GRK5: variants seen among roughly 807,000 people sequenced by gnomAD.
GRK5 encodes the protein G protein-coupled receptor kinase 5.
Under a neutral mutation model 78.4 loss-of-function variants are expected in GRK5, and 40 were observed. The observed-to-expected ratio is 0.51, with a 90% CI of 0.40 to 0.66. The LOEUF is 0.66. GRK5 is among the 30% of genes least tolerant of loss of function. The pLI is 0.00. For missense variants in GRK5, 598 were observed against 759.9 expected, an observed-to-expected ratio of 0.79 and a Z score of 2.50; for synonymous variants, 289 against 296.8, an observed-to-expected ratio of 0.97 and a Z score of 0.27.
rs562139543 is a variant in GRK5 at position 119,258,048 on chromosome 10, G to A, written c.52+50079G>A. Among the ~76,000 whole-genome samples the A allele has an allele frequency of 2.2e-4, 33 of 152,272 alleles. No homozygotes were observed. The South Asian group carries it at 5.0e-3, about 23-fold the overall frequency. On this transcript the variant is annotated intron_variant, in intron 1 of 15. Coordinates refer to ENST00000392870, the MANE Select transcript of GRK5 (RefSeq NM_005308.3). ...ACACCACGTAGTTAGTACACATGGT[G>A]TCATGTAACTACCACCACAATCAGG... is the stretch of plus-strand genomic sequence containing the variant.
rs553806812 is a variant in GRK5 at position 119,434,034 on chromosome 10, G to A, written c.738+2507G>A. Among the ~76,000 whole-genome samples the A allele has an allele frequency of 4.5e-4, 68 of 152,318 alleles. 1 individual carries two copies. Among genetic ancestry groups the A allele is most frequent in the African/African-American group, 1.5e-3 (64 of 41,572 alleles). ...GTGGCAAGAGAAGAATGAGAACCAA[G>A]TGAAAGGGGTTTCCCCTTATAAAAC... On this transcript the variant is annotated intron_variant, in intron 8 of 15. Coordinates refer to ENST00000392870, the MANE Select transcript of GRK5 (RefSeq NM_005308.3).
At chr10:119,376,899 C>G (rs1851630224) in intron 2 of GRK5, among the ~76,000 whole-genome samples, 1 of 152,188 alleles carries the variant, frequency 6.6e-6, no homozygotes, top group Admixed American at 6.5e-5. Context: ...AAAGCAGCCT[C>G]TTTCTGGCTT....
chr10:119,256,099 G>T (rs1305437005), intron 1 of GRK5, among the ~76,000 whole-genome samples: 1 of 152,052 alleles, frequency 6.6e-6, no homozygotes, highest in Non-Finnish European at 1.5e-5. Flanking sequence ...ACCGAGACTT[G>T]GTATTGACAG....
chr10:119,386,767 C>T (rs1224767579), intron 3 of GRK5, among the ~76,000 whole-genome samples: 2 of 152,156 alleles, frequency 1.3e-5, no homozygotes, highest in South Asian at 2.1e-4. Context: ...CCAGGGCTGG[C>T]GTAACTTCTC....
intron 1 of GRK5, among the ~76,000 whole-genome samples, chr10:119,322,853 C>A (rs1850609690): frequency 6.6e-6 from 1 of 152,168 alleles, no homozygotes; most frequent in South Asian, 2.1e-4. Flanking sequence ...TACTTGTTTG[C>A]AAATATCCAT....
intron 2 of GRK5, among the ~76,000 whole-genome samples, chr10:119,367,822 A>G (rs1851474825): frequency 1.3e-5 from 2 of 152,120 alleles, no homozygotes; most frequent in Non-Finnish European, 2.9e-5. Flanking sequence ...GGGTCTTGGG[A>G]CCCTGAGACA....
chr10:119,273,085 A>G (rs1849611185), intron 1 of GRK5, among the ~76,000 whole-genome samples: 1 of 152,220 alleles, frequency 6.6e-6, no homozygotes, highest in African/African-American at 2.4e-5. Context: ...GTCGTATTCC[A>G]TGCCTCGGAA....
At chr10:119,419,096 C>T in intron 4 of GRK5, among the ~76,000 whole-genome samples, 2 of 152,174 alleles carry the variant, frequency 1.3e-5, no homozygotes, top group East Asian at 3.9e-4. Flanking sequence ...CAGAACCCAC[C>T]CGGCCTGTAG....
At chr10:119,427,552 C>T (rs1281945594) in intron 6 of GRK5, among the ~76,000 whole-genome samples, 1 of 152,096 alleles carries the variant, frequency 6.6e-6, no homozygotes, top group South Asian at 2.1e-4. Flanking sequence ...CCACCATCCT[C>T]AGTATCACCG....
chr10:119,226,259 T>C (rs1848737576), intron 1 of GRK5, among the ~76,000 whole-genome samples: 1 of 151,674 alleles, frequency 6.6e-6, no homozygotes, highest in Middle Eastern at 3.2e-3. Flanking sequence ...ATTACAGGTG[T>C]GAGCCACTGT....
intron 2 of GRK5, among the ~76,000 whole-genome samples, chr10:119,374,703 A>G (rs1430000030): frequency 2.6e-5 from 4 of 152,190 alleles, no homozygotes; most frequent in African/African-American, 9.7e-5. Context: ...GTCCCTGCCT[A>G]AGTCTCATGT....
chr10:119,304,284 C>CTTT (rs59740732), intron 1 of GRK5, among the ~76,000 whole-genome samples: 2,484 of 75,070 alleles, frequency 0.033, 97 homozygotes, highest in African/African-American at 0.037. Context: ...GTGTGAGCTG[C>CTTT]TTTTTTTTTT....
At chr10:119,262,429 C>T (rs1382664712) in intron 1 of GRK5, among the ~76,000 whole-genome samples, 2 of 147,686 alleles carry the variant, frequency 1.4e-5, no homozygotes, top group East Asian at 4.0e-4. Flanking sequence ...ACCTCCGCCT[C>T]CCAGATTCAA....
At chr10:119,406,162 C>T (rs1030735862) in intron 4 of GRK5, among the ~76,000 whole-genome samples, 1 of 152,180 alleles carries the variant, frequency 6.6e-6, no homozygotes, top group Non-Finnish European at 1.5e-5. Context: ...ACTTTTTCAC[C>T]GAGTGATTCA....
At chr10:119,300,209 C>A (rs946211669) in intron 1 of GRK5, among the ~76,000 whole-genome samples, 3 of 152,058 alleles carry the variant, frequency 2.0e-5, no homozygotes, top group African/African-American at 2.4e-5. Context: ...TATGAGTTGG[C>A]AAATATGTTT....
chr10:119,216,885 T>TG (rs1323662723), intron 1 of GRK5, among the ~76,000 whole-genome samples: 1 of 151,782 alleles, frequency 6.6e-6, no homozygotes, highest in African/African-American at 2.4e-5. Flanking sequence ...AACCTGGGAG[T>TG]GCCACTGCAC....
rs1340983094 is a variant in GRK5, at chr10:119,394,615, G to C, written c.262-2080G>C. Among the ~76,000 whole-genome samples the C allele has an allele frequency of 4.7e-3, 14 of 2,980 alleles. 4 individuals are homozygous for C. Among genetic ancestry groups the C allele is most frequent in the Non-Finnish European group, 0.013 (13 of 990 alleles). 2.0% of individuals were successfully genotyped at this position (2,980 alleles called of 152,430 possible). On this transcript the variant is annotated intron_variant, in intron 3 of 15. Transcript: ENST00000392870. ...TGTGTCTGTGTGTGGGCACGTGTAT[G>C]TTTGGGTGTGTGGGTGTGTGTGTGG...
chr10:119,430,379 C>T lies in GRK5; in HGVS notation c.538C>T (p.Pro180Ser). ...TGGGATTCTTCTTTCTTCCAGGCAA[C>T]CGGTGACCAAAAACACTTTCAGGCA... ...FLQWKWLERQ[P>S]VTKNTFRQYR... Residue 180 changes from proline to serine, a missense_variant, in exon 7 of 16, where the codon CCG (proline) becomes TCG (serine). By Grantham distance (74) the Pro-to-Ser change is moderately conservative. Transcript: ENST00000392870. The surrounding 1 kb of genome is among the most constrained non-coding windows in gnomAD (Gnocchi z 4.5). The T allele has an allele frequency of 1.9e-6, 3 of 1,613,570 alleles. No individual in the cohort carries two copies. Among genetic ancestry groups the T allele is most frequent in the Non-Finnish European group, 1.7e-6 (2 of 1,179,702 alleles).
intron 1 of GRK5, among the ~76,000 whole-genome samples, chr10:119,293,647 C>A (rs1196088090): frequency 6.6e-6 from 1 of 152,086 alleles, no homozygotes; most frequent in South Asian, 2.1e-4. Flanking sequence ...TCCGGATAGA[C>A]CTTGGGCCTC....
Sources: allele counts gnomAD v4.1 joint callset (sites outside exome capture counted in the v4.1 genomes callset), GRCh38; gene constraint gnomAD v4.1.1; non-coding constraint Gnocchi (gnomAD v3.1); transcripts MANE v1.5; gene names NCBI Gene and HGNC (gene_info 2026-07-23, HGNC 2026-07-21).